ACCSL: variants seen among roughly 807,000 people sequenced by gnomAD.
ACCSL encodes the protein probable inactive 1-aminocyclopropane-1-carboxylate synthase-like protein 2.
Under a neutral mutation model 61.7 loss-of-function variants are expected in ACCSL, and 55 were observed. The ratio of observed to expected loss-of-function variants is 0.89; its 90% CI spans 0.72 to 1.12. ACCSL has a LOEUF of 1.12. ACCSL is among the 50% of genes most tolerant of loss of function. The pLI is 0.00. For missense variants in ACCSL, 632 were observed against 698.0 expected, an observed-to-expected ratio of 0.91 and a Z score of 1.07; for synonymous variants, 258 against 264.3, an observed-to-expected ratio of 0.98 and a Z score of 0.23.
At position 44,048,184 on chromosome 11, in the gene ACCSL, A is replaced by G. The variant is rs200626992; in HGVS notation, c.148A>G (p.Arg50Gly). The G allele has an allele frequency of 7.0e-4, 1,131 of 1,614,086 alleles. 7 individuals are homozygous for G. The highest frequency in any genetic ancestry group is 3.3e-4 in the Non-Finnish European group (394 of 1,180,046). The change falls in exon 1 of 14, where the codon AGA (arginine) becomes GGA (glycine). Residue 50 changes from arginine (R) to glycine (G), a missense_variant. Arg to Gly is a moderately radical substitution (Grantham distance 125). Transcript: ENST00000378832. Reference sequence around the variant, plus strand: ...GGAGCACTTCGTGCAGCTGACGAGCAGACAGGGCCTGTCGCTGGAGGAAAG... The same window carrying G: ...GGAGCACTTCGTGCAGCTGACGAGCGGACAGGGCCTGTCGCTGGAGGAAAG... ...MTEHFVQLTS[R>G]QGLSLEERRH...
At chr11:44,042,371 T>A in the ACCSL span, among the ~76,000 whole-genome samples, 2 of 152,242 alleles carry the variant, frequency 1.3e-5, no homozygotes, top group African/African-American at 4.8e-5. Context: ...TTAGGACTAA[T>A]AAATTCAGTT....
At position 44,051,370 on chromosome 11, in the gene ACCSL, A is replaced by G. The variant is rs756385846; in HGVS notation, c.671A>G (p.Tyr224Cys). The G allele has an allele frequency of 4.3e-6, 7 of 1,614,026 alleles. No individual in the cohort carries two copies. In the African/African-American group the frequency reaches 5.3e-5, roughly 12 times the overall value. Reference protein sequence around the residue: ...REEVARFLTYYCRAPTRLDPE... With the variant: ...REEVARFLTYCCRAPTRLDPE... ...GAAGTGGCCCGGTTCCTGACCTACT[A>G]CTGCAGGGCACCTACCCGACTTGAC... The change falls in exon 4 of 14, where the codon TAC becomes TGC. Residue 224 changes from tyrosine (Y) to cysteine (C), a missense_variant. By Grantham distance (194) the Tyr-to-Cys change is radical. Transcript: ENST00000378832.
the ACCSL span, chr11:43,945,257 A>C: frequency 1.3e-5 from 2 of 152,310 alleles, no homozygotes; most frequent in African/African-American, 4.8e-5. Context: ...CTGTGGGTCG[A>C]TGCTTTATTC....
the ACCSL span, among the ~76,000 whole-genome samples, chr11:43,989,006 C>T: frequency 6.6e-6 from 1 of 151,908 alleles, no homozygotes; most frequent in Non-Finnish European, 1.5e-5. Flanking sequence ...AAAGATTGGT[C>T]CTCCCTGGGT....
chr11:43,971,111 T>A, the ACCSL span, among the ~76,000 whole-genome samples: 2 of 152,042 alleles, frequency 1.3e-5, no homozygotes, highest in Non-Finnish European at 2.9e-5. Flanking sequence ...GGTGGGCAGA[T>A]AACTTGAGGT....
the ACCSL span, among the ~76,000 whole-genome samples, chr11:43,970,127 G>A: frequency 6.6e-6 from 1 of 152,104 alleles, no homozygotes; most frequent in African/African-American, 2.4e-5. Context: ...ACCATCCTGG[G>A]CAACATAGTG....
the ACCSL span, among the ~76,000 whole-genome samples, chr11:44,042,966 C>T: frequency 6.6e-6 from 1 of 151,442 alleles, no homozygotes; most frequent in Non-Finnish European, 1.5e-5. Flanking sequence ...GCCTGTGATA[C>T]CAGTTACTCG....
chr11:43,989,791 G>T, the ACCSL span, among the ~76,000 whole-genome samples: 1 of 152,236 alleles, frequency 6.6e-6, no homozygotes, highest in Non-Finnish European at 1.5e-5. Context: ...AGCATCTCCA[G>T]CTTACTGCAG....
chr11:43,940,579 C>G, the ACCSL span, among the ~76,000 whole-genome samples: 3 of 151,372 alleles, frequency 2.0e-5, no homozygotes, highest in Non-Finnish European at 4.4e-5. Flanking sequence ...CCAGGATGGT[C>G]TCGATCTCCT....
At chr11:44,047,193 T>G (rs1384895203), upstream of ACCSL, among the ~76,000 whole-genome samples, 1 of 152,150 alleles carries the variant, frequency 6.6e-6, no homozygotes, top group African/African-American at 2.4e-5. Flanking sequence ...CTTCAAAGTT[T>G]GAGAGCCATG....
At chr11:44,006,499 ATTTTTTT>A in the ACCSL span, among the ~76,000 whole-genome samples, 1 of 89,448 alleles carries the variant, frequency 1.1e-5, no homozygotes, top group African/African-American at 4.7e-5. Context: ...CCTCTTTGAG[ATTTTTTT>A]TTTTTTTTTT....
the ACCSL span, among the ~76,000 whole-genome samples, chr11:44,035,936 TAAAAAAA>T: frequency 7.7e-4 from 61 of 79,054 alleles, no homozygotes; most frequent in African/African-American, 2.8e-3. Context: ...AGACTCTGTG[TAAAAAAA>T]AAAAAAAAAA....
the ACCSL span, among the ~76,000 whole-genome samples, chr11:43,984,958 G>T: frequency 6.6e-6 from 1 of 152,250 alleles, no homozygotes. Flanking sequence ...GGCTGGGGAA[G>T]GGGACCTTCA....
chr11:44,024,326 C>T, the ACCSL span, among the ~76,000 whole-genome samples: 1 of 152,112 alleles, frequency 6.6e-6, no homozygotes, highest in African/African-American at 2.4e-5. Context: ...CCTGGGTCTC[C>T]AGCTTGCAGA....
intron 4 of ACCSL, 118 bp downstream of exon 4, chr11:44,051,522 C>T: frequency 6.5e-7 from 1 of 1,530,204 alleles, no homozygotes; most frequent in Non-Finnish European, 9.0e-7. Flanking sequence ...GCCAGGGCAG[C>T]ATGAAGGCCA....
the ACCSL span, among the ~76,000 whole-genome samples, chr11:44,013,846 G>A: frequency 2.6e-5 from 4 of 152,142 alleles, no homozygotes; most frequent in African/African-American, 4.8e-5. Flanking sequence ...GGGGCTGTGC[G>A]GACAGAGGCT....
chr11:44,024,435 CTCTCTCTGTG>C, the ACCSL span, among the ~76,000 whole-genome samples: 15 of 60,104 alleles, frequency 2.5e-4, no homozygotes, highest in Admixed American at 3.0e-3. Context: ...TTCTCTCTCT[CTCTCTCTGTG>C]TGTGTGTGTG....
the ACCSL span, among the ~76,000 whole-genome samples, chr11:44,038,531 C>T: frequency 1.4e-4 from 21 of 152,170 alleles, no homozygotes; most frequent in South Asian, 4.4e-3. Flanking sequence ...GCAGCATGTG[C>T]AAAGGCCCGG....
At chr11:44,018,139 C>T in the ACCSL span, among the ~76,000 whole-genome samples, 1 of 152,200 alleles carries the variant, frequency 6.6e-6, no homozygotes, top group Non-Finnish European at 1.5e-5. Flanking sequence ...TGTCCCCCAG[C>T]CCCAGTGGGG....
Sources: allele counts gnomAD v4.1 joint callset (sites outside exome capture counted in the v4.1 genomes callset), GRCh38; gene constraint gnomAD v4.1.1; transcripts MANE v1.5; gene names NCBI Gene and HGNC (gene_info 2026-07-23, HGNC 2026-07-21).